The following SUMF1 variants were observed in gnomAD, a reference collection of about 807,000 sequenced individuals.
SUMF1 encodes sulfatase modifying factor 1.
A neutral mutation model predicts 47.6 loss-of-function variants in SUMF1; 48 were observed. The observed-to-expected ratio is 1.01, with a 90% CI of 0.80 to 1.28. The LOEUF (loss-of-function observed/expected upper bound fraction) is 1.28. Ranked by LOEUF, SUMF1 falls within the 50% of genes most tolerant of loss-of-function variation. The pLI is 0.00. For missense variants in SUMF1, 571 were observed against 485.4 expected, an observed-to-expected ratio of 1.18 and a Z score of -1.66; for synonymous variants, 230 against 192.1, an observed-to-expected ratio of 1.20 and a Z score of -1.63.
intron 8 of SUMF1, among the ~76,000 whole-genome samples, chr3:4,148,464 A>G (rs1253642511): frequency 6.6e-6 from 1 of 152,178 alleles, no homozygotes; most frequent in African/African-American, 2.4e-5. Context: ...CTACCTCACA[A>G]GAAGTCATTT....
chr3:4,321,644 A>T (rs1279597332), intron 8 of SUMF1, among the ~76,000 whole-genome samples: 1 of 152,158 alleles, frequency 6.6e-6, no homozygotes, highest in South Asian at 2.1e-4. Flanking sequence ...ATCTGAGTCC[A>T]TACTGATATA....
Position 4,417,235 on chromosome 3 carries a change from G to C in SUMF1, c.733C>G (p.Pro245Ala), listed in dbSNP as rs748847017. Residue 245 changes from proline to alanine, a missense_variant, in exon 6 of 9, where the codon CCC (proline) becomes GCC (alanine). By Grantham distance (27) the Pro-to-Ala change is conservative. Transcript: ENST00000272902. ...CRGGLHNRLF[P>A]WGNKLQPKGQ... is the part of the protein sequence containing the mutation. The stretch of plus-strand genomic sequence containing the variant: ...TTGGGCTGCAGTTTGTTGCCCCAGG[G>C]GAAAAGTCTGTCAGAAGAGACACAG... The C allele has an allele frequency of 1.1e-5, 18 of 1,613,850 alleles. No individual in the cohort carries two copies. The highest frequency in any genetic ancestry group is 1.5e-5 in the Non-Finnish European group (18 of 1,179,848).
chr3:4,160,614 G>A (rs1018021357), intron 8 of SUMF1, among the ~76,000 whole-genome samples: 1 of 151,924 alleles, frequency 6.6e-6, no homozygotes, highest in African/African-American at 2.4e-5. Context: ...AGACCCTGAT[G>A]CATTCTTCAG....
At chr3:4,185,762 A>C (rs1181892395) in intron 8 of SUMF1, among the ~76,000 whole-genome samples, 1 of 152,220 alleles carries the variant, frequency 6.6e-6, no homozygotes, top group Non-Finnish European at 1.5e-5. Context: ...AGAGAAGGAA[A>C]GTGTTTATAC....
chr3:4,058,618 T>A lies in SUMF1; in HGVS notation c.1191+9951A>T, dbSNP rs115612960. ...GGAGGATAGGGAAATCATTTAGTAA[T>A]CATATAGGAGATGAGTTCCTCAAGA... On this transcript the variant is annotated intron_variant and NMD_transcript_variant, in intron 9 of 12. Coordinates refer to the SUMF1 transcript ENST00000448413. Among the ~76,000 whole-genome samples, 483 of 152,218 alleles carry A rather than the reference T, an allele frequency of 3.2e-3. 4 individuals are homozygous for A. Among genetic ancestry groups the A allele is most frequent in the Non-Finnish European group, 5.5e-3 (375 of 67,998 alleles).
At chr3:4,381,422 AG>A (rs1331248590) in intron 7 of SUMF1, among the ~76,000 whole-genome samples, 2 of 152,202 alleles carry the variant, frequency 1.3e-5, no homozygotes, top group African/African-American at 4.8e-5. Flanking sequence ...AAAATCTCAC[AG>A]ATCACCACTA....
At chr3:4,391,837 T>C (rs993473236) in intron 7 of SUMF1, among the ~76,000 whole-genome samples, 1 of 150,946 alleles carries the variant, frequency 6.6e-6, no homozygotes, top group Non-Finnish European at 1.5e-5. Context: ...TTTTCTTTTT[T>C]TTTTTTTTGA....
chr3:4,094,137 G>T (rs1049399702), intron 8 of SUMF1, among the ~76,000 whole-genome samples: 1 of 152,098 alleles, frequency 6.6e-6, no homozygotes, highest in Non-Finnish European at 1.5e-5. Context: ...AGGTCATGAT[G>T]AAATGACCTT....
At chr3:4,369,328 T>G (rs1383589441) in intron 8 of SUMF1, among the ~76,000 whole-genome samples, 2 of 152,234 alleles carry the variant, frequency 1.3e-5, no homozygotes, top group Non-Finnish European at 1.5e-5. Flanking sequence ...TGGCATCTCC[T>G]ACTATGTGTG....
intron 8 of SUMF1, among the ~76,000 whole-genome samples, chr3:4,150,908 C>G (rs1387831846): frequency 1.3e-5 from 2 of 151,400 alleles, no homozygotes; most frequent in African/African-American, 4.9e-5. Context: ...CTTTAGCTGT[C>G]TCCCTGTGCC....
intron 9 of SUMF1, among the ~76,000 whole-genome samples, chr3:4,062,229 T>C (rs2125028267): frequency 6.6e-6 from 1 of 152,258 alleles, no homozygotes; most frequent in African/African-American, 2.4e-5. Flanking sequence ...CTTTCAAATG[T>C]ATTGGGAGCA....
At chr3:4,375,134 CAAAAAAAAAAA>C (rs376228362) in intron 8 of SUMF1, among the ~76,000 whole-genome samples, 2 of 73,248 alleles carry the variant, frequency 2.7e-5, no homozygotes, top group African/African-American at 5.0e-5. Flanking sequence ...GACTCTGTCT[CAAAAAAAAAAA>C]AAAAAAAAAA....
chr3:4,437,720 C>G (rs924432147), intron 3 of SUMF1, among the ~76,000 whole-genome samples: 1 of 152,134 alleles, frequency 6.6e-6, no homozygotes, highest in African/African-American at 2.4e-5. Flanking sequence ...AGGGGGATCA[C>G]TTGAGTTCAG....
At chr3:4,398,161 G>A (rs1701095802) in intron 7 of SUMF1, among the ~76,000 whole-genome samples, 1 of 151,978 alleles carries the variant, frequency 6.6e-6, no homozygotes, top group Non-Finnish European at 1.5e-5. Flanking sequence ...TACTTTTATA[G>A]CAATAAATGT....
chr3:4,358,768 G>A (rs977554356), downstream of SUMF1, among the ~76,000 whole-genome samples: 1 of 152,124 alleles, frequency 6.6e-6, no homozygotes, highest in African/African-American at 2.4e-5. Flanking sequence ...CCTTAAAGTC[G>A]ACTGATGGAG....
At chr3:4,301,149 C>T (rs1423025005) in intron 8 of SUMF1, among the ~76,000 whole-genome samples, 1 of 152,052 alleles carries the variant, frequency 6.6e-6, no homozygotes, top group African/African-American at 2.4e-5. Context: ...CTAAGGGAAA[C>T]AGGGTAAAGA....
At chr3:4,438,160 T>C (rs551885029) in intron 3 of SUMF1, among the ~76,000 whole-genome samples, 5 of 152,126 alleles carry the variant, frequency 3.3e-5, no homozygotes, top group Non-Finnish European at 5.9e-5. Context: ...AATTATTTCA[T>C]TTTATAAATA....
rs1289074100 is a variant in SUMF1, at chr3:4,450,303, T to C, written c.445-963A>G. On this transcript the variant is annotated intron_variant, in intron 2 of 8. Transcript: ENST00000272902. ...ACTTTCAATCTCATCAAATTAACTA[T>C]AGCCAGTACTCCAAATGACTCTCAA... 5.3e-5 allele frequency among the ~76,000 whole-genome samples: 8 copies of C among 152,172 alleles called. No individual in the cohort carries two copies. The East Asian group carries it at 1.2e-3, about 22-fold the overall frequency.
At position 4,058,559 on chromosome 3, in the gene SUMF1, G is replaced by A. The variant is rs540906068; in HGVS notation, c.1191+10010C>T. ...AGGAACTCTGTTGAAAGATGGCTGG[G>A]AGAGTAAGAGGAAAATGAAGTAAAA... On this transcript the variant is annotated intron_variant and NMD_transcript_variant, in intron 9 of 12. Coordinates refer to the SUMF1 transcript ENST00000448413. 9.2e-5 allele frequency among the ~76,000 whole-genome samples: 14 copies of A among 152,260 alleles called. No homozygotes were observed. In the South Asian group the frequency reaches 2.9e-3, roughly 32 times the overall value.
Sources: gnomAD v4.1 joint callset for allele counts (sites outside exome capture counted in the v4.1 genomes callset) on GRCh38, gnomAD v4.1.1 for gene constraint, MANE v1.5 for transcripts, NCBI Gene and HGNC (gene_info 2026-07-23, HGNC 2026-07-21) for gene names.